The following PDE12 variants were observed in gnomAD, a reference collection of about 807,000 sequenced individuals.
PDE12 encodes 2',5'-phosphodiesterase 12.
In PDE12, 26 loss-of-function variants were observed where a neutral mutation model predicts 45.4. The ratio of observed to expected loss-of-function variants is 0.57; its 90% CI spans 0.42 to 0.79. The LOEUF is 0.79. PDE12 is among the 30% of genes least tolerant of loss of function. The pLI, the probability that PDE12 is intolerant of heterozygous loss-of-function variation, is 0.00. For synonymous variants in PDE12, 283 were observed against 323.9 expected (o/e 0.87, Z 1.36); for missense variants, 668 against 790.0 (o/e 0.85, Z 1.85).
the PDE12 span, among the ~76,000 whole-genome samples, chr3:57,616,936 A>G: frequency 3.0e-4 from 45 of 152,266 alleles, no homozygotes; most frequent in East Asian, 6.6e-3. Flanking sequence ...AGGCAGGAGA[A>G]TTGCTTGAAC....
the PDE12 span, among the ~76,000 whole-genome samples, chr3:57,593,342 CAA>C: frequency 1.3e-5 from 2 of 152,002 alleles, no homozygotes; most frequent in African/African-American, 4.8e-5. Flanking sequence ...CTTTTAGAAT[CAA>C]GAGGAAAAAC....
chr3:57,577,538 A>C, the PDE12 span: 1 of 623,450 alleles, frequency 1.6e-6, no homozygotes, highest in South Asian at 2.1e-5. Flanking sequence ...CTAAAAGCTG[A>C]TTTGAGAACT....
the PDE12 span, among the ~76,000 whole-genome samples, chr3:57,647,465 A>G: frequency 1.3e-5 from 2 of 152,294 alleles, no homozygotes; most frequent in South Asian, 4.1e-4. Flanking sequence ...GTGGACATCT[A>G]CATGCAGATA....
chr3:57,571,976 G>A, the PDE12 span: 2 of 454,108 alleles, frequency 4.4e-6, no homozygotes, highest in Non-Finnish European at 7.9e-6. Context: ...TTACGCTTAT[G>A]GGAAGTAAAA....
the PDE12 span, among the ~76,000 whole-genome samples, chr3:57,580,291 A>C: frequency 6.6e-6 from 1 of 152,146 alleles, no homozygotes; most frequent in African/African-American, 2.4e-5. Context: ...AGAGATATAA[A>C]AGATCATTGT....
At chr3:57,651,282 A>C in the PDE12 span, among the ~76,000 whole-genome samples, 2 of 152,212 alleles carry the variant, frequency 1.3e-5, no homozygotes, top group African/African-American at 4.8e-5. Flanking sequence ...CTTTCAACTT[A>C]CAATTTGCAA....
At position 57,565,348 on chromosome 3, in the gene PDE12, T is replaced by A. The variant is rs1048376009; in HGVS notation, c.*5344T>A. 6.6e-6 allele frequency: 1 copy of A among 152,208 alleles called. No homozygotes were observed. Among genetic ancestry groups the A allele is most frequent in the Non-Finnish European group, 1.5e-5 (1 of 68,020 alleles). 9.4% of individuals were successfully genotyped at this position (152,208 alleles called of 1,614,324 possible). A position where few individuals can be genotyped will look rare whatever the true frequency, so the allele number is the denominator to read the frequency against. ...CCAGAAAAAAACATATTTATCAACT[T>A]TTAAAAACATTTTATGGGTACATAG... is the stretch of plus-strand genomic sequence containing the variant. On this transcript the variant is annotated 3_prime_UTR_variant, in exon 3 of 3. Coordinates refer to ENST00000311180, the MANE Select transcript of PDE12 (RefSeq NM_177966.7).
chr3:57,570,037 C>G (rs561227576), downstream of PDE12, among the ~76,000 whole-genome samples: 19 of 151,992 alleles, frequency 1.3e-4, no homozygotes, highest in South Asian at 4.0e-3. Flanking sequence ...ACACACACAA[C>G]AATTATACTA....
At chr3:57,593,537 C>T in the PDE12 span, among the ~76,000 whole-genome samples, 2 of 152,222 alleles carry the variant, frequency 1.3e-5, no homozygotes, top group African/African-American at 2.4e-5. Context: ...TGGCATACTA[C>T]ACTACACTGA....
At chr3:57,652,990 T>A in the PDE12 span, among the ~76,000 whole-genome samples, 1 of 152,248 alleles carries the variant, frequency 6.6e-6, no homozygotes, top group African/African-American at 2.4e-5. Context: ...TAGTATTAGA[T>A]GATATTAACT....
the PDE12 span, among the ~76,000 whole-genome samples, chr3:57,616,188 G>A: frequency 2.6e-3 from 396 of 152,172 alleles, 1 homozygote; most frequent in African/African-American, 9.1e-3. Context: ...GCCAGGTATG[G>A]TGGTGTACAG....
At chr3:57,652,960 G>A in the PDE12 span, among the ~76,000 whole-genome samples, 3 of 152,094 alleles carry the variant, frequency 2.0e-5, no homozygotes, top group Non-Finnish European at 4.4e-5. Context: ...TGTAACAACT[G>A]GTAACATTTG....
chr3:57,621,973 C>G, the PDE12 span, among the ~76,000 whole-genome samples: 1 of 151,932 alleles, frequency 6.6e-6, no homozygotes, highest in African/African-American at 2.4e-5. Context: ...GTCAAGAGTC[C>G]AAGAGCAGCC....
the PDE12 span, among the ~76,000 whole-genome samples, chr3:57,614,564 A>C: frequency 1.3e-5 from 1 of 77,560 alleles, no homozygotes; most frequent in East Asian, 4.2e-4. Context: ...TTTTTTTTTG[A>C]GAGGAGTCTT....
At chr3:57,624,075 AC>A in the PDE12 span, among the ~76,000 whole-genome samples, 2 of 151,918 alleles carry the variant, frequency 1.3e-5, no homozygotes. Context: ...GCAGCCTCGA[AC>A]TCCTGGGCAT....
In PDE12 at chr3:57,564,432, T is replaced by C. The variant is rs1200754226; in HGVS notation, c.*4428T>C. ...ATCTCTATCTTCTGTCCAATTTATGTAATGAATGTATGTCAAAGCATTTAT... is the reference window on the plus strand; with the variant it reads ...ATCTCTATCTTCTGTCCAATTTATGCAATGAATGTATGTCAAAGCATTTAT... On this transcript the variant is annotated 3_prime_UTR_variant, in exon 3 of 3. Coordinates refer to ENST00000311180, the MANE Select transcript of PDE12 (RefSeq NM_177966.7). 1.3e-5 allele frequency: 2 copies of C among 152,204 alleles called. No homozygotes were observed. The highest frequency in any genetic ancestry group is 6.5e-5 in the Admixed American group (1 of 15,274). 9.4% of individuals were successfully genotyped at this position (152,204 alleles called of 1,614,324 possible). A position where few individuals can be genotyped will look rare whatever the true frequency, so the allele number is the denominator to read the frequency against.
the PDE12 span, among the ~76,000 whole-genome samples, chr3:57,591,625 C>A: frequency 6.6e-6 from 1 of 152,032 alleles, no homozygotes; most frequent in Non-Finnish European, 1.5e-5. Context: ...TGCCACCACA[C>A]CCGGCTAATT....
the PDE12 span, among the ~76,000 whole-genome samples, chr3:57,605,879 T>C: frequency 2.0e-5 from 3 of 152,022 alleles, no homozygotes; most frequent in Admixed American, 2.0e-4. Flanking sequence ...GAATTAACAG[T>C]AGATTAAACT....
rs2069671512 is a variant in PDE12, at chr3:57,557,096, T to G, written c.717T>G (p.Asn239Lys). The part of the protein sequence containing the change: ...DVEERVYTPS[N>K]ADIGLRLKLH... ...AGGAGCGTGTCTACACCCCGTCCAA[T>G]GCCGACATCGGGCTAAGGCTCAAGC... Residue 239 changes from asparagine to lysine, a missense_variant, in exon 1 of 3, where the codon AAT becomes AAG. Physicochemically the swap from Asn to Lys is moderately conservative, Grantham distance 94 (BLOSUM62 0). Transcript: ENST00000311180. 1.9e-6 allele frequency: 3 copies of G among 1,614,064 alleles called. No homozygotes were observed. Among genetic ancestry groups the G allele is most frequent in the Non-Finnish European group, 2.5e-6 (3 of 1,180,010 alleles).
Sources: allele counts gnomAD v4.1 joint callset (sites outside exome capture counted in the v4.1 genomes callset), GRCh38; gene constraint gnomAD v4.1.1; transcripts MANE v1.5; gene names NCBI Gene and HGNC (gene_info 2026-07-23, HGNC 2026-07-21).